LAMA2: variants seen among roughly 807,000 people sequenced by gnomAD.
LAMA2 encodes the protein laminin subunit alpha 2.
In LAMA2, 269 loss-of-function variants were observed where a neutral mutation model predicts 364.8. The observed-to-expected ratio is 0.74, with a 90% CI of 0.67 to 0.82. The LOEUF is 0.82. Ranked by LOEUF, LAMA2 falls within the 40% of genes least tolerant of loss-of-function variation. The probability of loss-of-function intolerance (pLI) is 0.00; values close to 1 mark genes in which losing one functional copy is unlikely to be tolerated. For synonymous variants in LAMA2, 1,379 were observed against 1,370.6 expected, an observed-to-expected ratio of 1.01 and a Z score of -0.14; for missense variants, 3,807 against 3,873.2, an observed-to-expected ratio of 0.98 and a Z score of 0.45.
chr6:128,924,980 A>G (rs1428020648), intron 1 of LAMA2, among the ~76,000 whole-genome samples: 2 of 152,226 alleles, frequency 1.3e-5, no homozygotes, highest in African/African-American at 2.4e-5. Context: ...CTTTATACCC[A>G]TTAGGATGGC....
At chr6:129,442,754 C>T in intron 43 of LAMA2, 1 of 397,452 alleles carries the variant, frequency 2.5e-6, no homozygotes, top group Non-Finnish European at 4.7e-6. Flanking sequence ...TGTCATATCT[C>T]TGTTTTAATC....
chr6:128,934,900 C>A (rs1282775442), intron 1 of LAMA2, among the ~76,000 whole-genome samples: 1 of 152,130 alleles, frequency 6.6e-6, no homozygotes, highest in Non-Finnish European at 1.5e-5. Flanking sequence ...GACATTTTAA[C>A]AATATTAGTT....
intron 1 of LAMA2, chr6:128,929,565 A>T: frequency 9.6e-7 from 1 of 1,047,024 alleles, no homozygotes; most frequent in Non-Finnish European, 1.5e-6. Flanking sequence ...CATAGTCATG[A>T]GACTTGATCC....
In LAMA2 at chr6:129,011,999, T is replaced by G. The variant is rs546553789; in HGVS notation, c.113-37919T>G. Among the ~76,000 whole-genome samples, 11 of 152,334 alleles carry G rather than the reference T, an allele frequency of 7.2e-5. No homozygotes were observed. In the East Asian group the frequency reaches 2.1e-3, roughly 29 times the overall value. On this transcript the variant is annotated intron_variant, in intron 1 of 64. Transcript: ENST00000421865. ...AGAAAAACGAGGCACTGGGCTCTTC[T>G]ACTCTTGTTTATATTCTTCACCCTT...
chr6:129,122,346 G>A (rs1371061706), intron 4 of LAMA2, among the ~76,000 whole-genome samples: 1 of 152,126 alleles, frequency 6.6e-6, no homozygotes, highest in African/African-American at 2.4e-5. Flanking sequence ...TGTTTACTCT[G>A]TGCAACTGGA....
At chr6:129,494,474 C>A (rs1348687640) in intron 58 of LAMA2, among the ~76,000 whole-genome samples, 1 of 152,162 alleles carries the variant, frequency 6.6e-6, no homozygotes, top group African/African-American at 2.4e-5. Context: ...CTGGAAAAAG[C>A]ATACCCACAT....
intron 1 of LAMA2, among the ~76,000 whole-genome samples, chr6:128,964,180 A>G (rs1055540161): frequency 1.6e-4 from 25 of 152,084 alleles, no homozygotes; most frequent in Admixed American, 1.6e-3. Context: ...AAAAATGGGC[A>G]TGATCTCTAT....
intron 1 of LAMA2, among the ~76,000 whole-genome samples, chr6:128,924,517 G>T (rs2114497332): frequency 6.7e-6 from 1 of 148,682 alleles, no homozygotes; most frequent in East Asian, 2.0e-4. Context: ...TAAATTATCA[G>T]TTAATAATTC....
chr6:128,893,365 A>G (rs1371962157), intron 1 of LAMA2, among the ~76,000 whole-genome samples: 2 of 151,608 alleles, frequency 1.3e-5, no homozygotes, highest in African/African-American at 4.8e-5. Context: ...TTTTTTCCCC[A>G]GTGGCTCCTA....
At chr6:128,919,480 A>G (rs186478901) in intron 1 of LAMA2, among the ~76,000 whole-genome samples, 1 of 152,316 alleles carries the variant, frequency 6.6e-6, no homozygotes, top group Non-Finnish European at 1.5e-5. Context: ...GAGCCTTATG[A>G]AACTGCCCTT....
chr6:129,323,941 T>G (rs1775117684), intron 28 of LAMA2, among the ~76,000 whole-genome samples: 1 of 152,212 alleles, frequency 6.6e-6, no homozygotes, highest in Non-Finnish European at 1.5e-5. Context: ...TTGTGGCTAT[T>G]AAAACTGATT....
At chr6:129,373,617 T>C (rs980938265) in intron 34 of LAMA2, among the ~76,000 whole-genome samples, 9 of 152,200 alleles carry the variant, frequency 5.9e-5, no homozygotes, top group African/African-American at 1.7e-4. Flanking sequence ...CATTTAGCCA[T>C]TGTGTCTTCT....
intron 12 of LAMA2, among the ~76,000 whole-genome samples, chr6:129,227,846 C>T (rs1033469268): frequency 5.9e-5 from 9 of 152,154 alleles, no homozygotes; most frequent in Non-Finnish European, 1.2e-4. Flanking sequence ...CCACTACTCT[C>T]TTCAAAGCTG....
intron 31 of LAMA2, among the ~76,000 whole-genome samples, chr6:129,352,685 C>T (rs1487812773): frequency 1.3e-5 from 2 of 152,148 alleles, no homozygotes; most frequent in African/African-American, 2.4e-5. Flanking sequence ...TGATCTAGAG[C>T]AGTCACAGAC....
chr6:129,429,729 C>G (rs1781496420), intron 41 of LAMA2, among the ~76,000 whole-genome samples: 1 of 152,144 alleles, frequency 6.6e-6, no homozygotes, highest in Non-Finnish European at 1.5e-5. Context: ...ATACCCTTGC[C>G]CAGGGCTGGG....
intron 1 of LAMA2, among the ~76,000 whole-genome samples, chr6:128,927,553 T>C (rs548828085): frequency 3.9e-4 from 59 of 152,290 alleles, no homozygotes; most frequent in African/African-American, 1.2e-3. Context: ...TGGCTTAAAC[T>C]TAACAGCTAA....
chr6:129,084,829 T>C (rs575409585), intron 3 of LAMA2, among the ~76,000 whole-genome samples: 28 of 152,284 alleles, frequency 1.8e-4, no homozygotes, highest in African/African-American at 6.7e-4. Context: ...TCCACTTATG[T>C]TTAGGTTTAA....
intron 1 of LAMA2, among the ~76,000 whole-genome samples, chr6:128,960,522 G>T (rs1284478736): frequency 6.7e-6 from 1 of 149,506 alleles, no homozygotes; most frequent in Non-Finnish European, 1.5e-5. Flanking sequence ...ACCAAACCCG[G>T]CTAATTTTTG....
At chr6:129,395,183 C>G (rs1014343882) in intron 37 of LAMA2, among the ~76,000 whole-genome samples, 1 of 151,896 alleles carries the variant, frequency 6.6e-6, no homozygotes, top group African/African-American at 2.4e-5. Context: ...AATCTGATGC[C>G]TATACAGGTT....
Sources: allele counts gnomAD v4.1 joint callset (sites outside exome capture counted in the v4.1 genomes callset), GRCh38; gene constraint gnomAD v4.1.1; transcripts MANE v1.5; gene names NCBI Gene and HGNC (gene_info 2026-07-23, HGNC 2026-07-21).